Variants in WDR62 observed in about 807,000 individuals in gnomAD.
WDR62 encodes WD repeat domain 62.
WDR62 carries 112 observed loss-of-function variants against 160.6 expected under a neutral mutation model. That is an observed-to-expected ratio of 0.70 (90% confidence interval 0.60 to 0.82). The LOEUF is 0.82. Among genes scored for constraint, WDR62 ranks in the 40% least tolerant of loss-of-function variants. WDR62 has a pLI of 0.00. For missense variants in WDR62, 1,819 were observed against 1,983.8 expected, an observed-to-expected ratio of 0.92 and a Z score of 1.58; for synonymous variants, 792 against 815.1, an observed-to-expected ratio of 0.97 and a Z score of 0.48.
At position 36,086,756 on chromosome 19, in the gene WDR62, A is replaced by C. The variant is rs1599805880; in HGVS notation, c.1712A>C (p.Asn571Thr). 1 of 1,608,254 alleles carries C rather than the reference A, an allele frequency of 6.2e-7. No individual in the cohort carries two copies. The highest frequency in any genetic ancestry group is 8.5e-7 in the Non-Finnish European group (1 of 1,177,016). The change falls in exon 13 of 32, where the codon AAC (asparagine) becomes ACC (threonine). Residue 571 changes from asparagine to threonine, a missense_variant. Asn to Thr is a moderately conservative substitution (Grantham distance 65, BLOSUM62 0). Transcript: ENST00000401500. ...GTGCTGAACGTGGAGAAGAACTACA[A>C]CCTGGAGCAGACGCTGGATGACCAC... ...IHVLNVEKNYNLEQTLDDHSS... is the reference protein window; with the variant it reads ...IHVLNVEKNYTLEQTLDDHSS...
At chr19:36,064,961 T>C (rs889649599) in intron 3 of WDR62, among the ~76,000 whole-genome samples, 6 of 152,242 alleles carry the variant, frequency 3.9e-5, no homozygotes, top group Admixed American at 2.6e-4. Flanking sequence ...GATGGAGTTC[T>C]GGCTGTCGTG....
In WDR62 at chr19:36,071,720, C is replaced by T. The variant is rs1339901366; in HGVS notation, c.1043+4C>T. 6.2e-7 allele frequency: 1 copy of T among 1,612,056 alleles called. No homozygotes were observed. The highest frequency in any genetic ancestry group is 8.5e-7 in the Non-Finnish European group (1 of 1,178,584). On this transcript the variant is annotated splice_donor_region_variant and intron_variant, in intron 8 of 31. Coordinates refer to ENST00000401500, the MANE Select transcript of WDR62 (RefSeq NM_001083961.2). Reference sequence around the variant, plus strand: ...TGGCACAGGGCCTGGAGCCCAGGTACTGCCCTGTGGGGAGAGGGAATGGGA... The same window carrying T: ...TGGCACAGGGCCTGGAGCCCAGGTATTGCCCTGTGGGGAGAGGGAATGGGA...
rs753292471 is a variant in WDR62, at chr19:36,055,121, G to T, written c.150G>T (p.Thr50=). The change falls in exon 1 of 32, where the codon ACG becomes ACT. Residue 50 remains threonine, a synonymous_variant. Coordinates refer to ENST00000401500, the MANE Select transcript of WDR62 (RefSeq NM_001083961.2). ...TACGGCGGCGGACGCGACTCTCGAC[G>T]GCCTCCGAGGAGACGGTGCAGAACC... ...ICLRRRTRLS[T]ASEETVQNRV... is the part of the protein sequence containing the mutation. 5 of 1,607,552 alleles carry T rather than the reference G, an allele frequency of 3.1e-6. No homozygotes were observed. The South Asian group carries it at 5.5e-5, about 18-fold the overall frequency.
chr19:36,067,598 G>A (rs1971010721), intron 6 of WDR62, among the ~76,000 whole-genome samples, 155 bp downstream of exon 6: 1 of 152,186 alleles, frequency 6.6e-6, no homozygotes, highest in African/African-American at 2.4e-5. Context: ...TACTCTCAGG[G>A]TGCTGATGCA....
At position 36,104,780 on chromosome 19, in the gene WDR62, GGC is replaced by G; in HGVS notation, c.4325_4326del (p.Gly1442AlafsTer12). 6.2e-7 allele frequency: 1 copy of G among 1,613,720 alleles called. No homozygotes were observed. The highest frequency in any genetic ancestry group is 8.5e-7 in the Non-Finnish European group (1 of 1,180,026). On this transcript the variant is annotated frameshift_variant, in exon 32 of 32. Coordinates refer to ENST00000401500, the MANE Select transcript of WDR62 (RefSeq NM_001083961.2). LOFTEE classifies it low-confidence loss of function (END_TRUNC). ...LDLYRVLVSS[G>X]QVDTGQQQAR... ...GCATCCCTTGCAGTTGGTCTCCAGTGGCCAGGTGGACACCGGGCAGCAGCAGG... is the reference window on the plus strand; with the variant it reads ...GCATCCCTTGCAGTTGGTCTCCAGTGCAGGTGGACACCGGGCAGCAGCAGG...
chr19:36,059,973 TGG>T lies in WDR62; in HGVS notation c.276_277del (p.Val93GlyfsTer15). 1 of 1,614,104 alleles carries T rather than the reference TGG, an allele frequency of 6.2e-7. No individual in the cohort carries two copies. The highest frequency in any genetic ancestry group is 8.5e-7 in the Non-Finnish European group (1 of 1,180,022). On this transcript the variant is annotated frameshift_variant, in exon 3 of 32. Coordinates refer to ENST00000401500, the MANE Select transcript of WDR62 (RefSeq NM_001083961.2). LOFTEE classifies it high-confidence loss of function. Reference sequence around the variant, plus strand: ...ATTTTCCTCTTTCTTCCCAGCTGTGTGGTGGTGATTTTGGACCCCAAGGAGAA... The same window carrying T: ...ATTTTCCTCTTTCTTCCCAGCTGTGTTGGTGATTTTGGACCCCAAGGAGAA...
chr19:36,085,631 C>T (rs1220204675), intron 12 of WDR62, among the ~76,000 whole-genome samples: 4 of 151,250 alleles, frequency 2.6e-5, no homozygotes, highest in Non-Finnish European at 5.9e-5. Context: ...TTAGTACAGA[C>T]GGGGTTTCAC....
At chr19:36,073,243 G>A (rs1971393198) in intron 8 of WDR62, 99 bp from the exon 9 acceptor site, 4 of 1,102,134 alleles carry the variant, frequency 3.6e-6, no homozygotes, top group Non-Finnish European at 5.6e-6. Context: ...AATACCATGA[G>A]GGATGGCATT....
At chr19:36,094,274 CAG>C (rs1390805813) in intron 20 of WDR62, 110 bp downstream of exon 20, 47 of 1,426,394 alleles carry the variant, frequency 3.3e-5, no homozygotes, top group African/African-American at 9.8e-5. Context: ...CAGGAGTCGA[CAG>C]GGTGCGGTGG....
intron 13 of WDR62, among the ~76,000 whole-genome samples, chr19:36,088,619 C>T (rs769771331): frequency 2.0e-5 from 3 of 152,232 alleles, no homozygotes; most frequent in African/African-American, 4.8e-5. Context: ...CAGGAAGACC[C>T]GCTACATGCA....
intron 9 of WDR62, chr19:36,073,982 A>T (rs1358818336): frequency 6.0e-6 from 2 of 335,314 alleles, no homozygotes; most frequent in Non-Finnish European, 1.2e-5. Context: ...GAGGTCGTTT[A>T]TGTATTTCAC....
In WDR62 at chr19:36,083,249, G is replaced by T; in HGVS notation, c.1550+8G>T. On this transcript the variant is annotated splice_region_variant and intron_variant, in intron 11 of 31. Coordinates refer to ENST00000401500, the MANE Select transcript of WDR62 (RefSeq NM_001083961.2). Reference sequence around the variant, plus strand: ...CCGAAGTGGAAATCTGAGGCAAGTGGGCCCTGGCAGTGTCCAGTGTACACC... The same window carrying T: ...CCGAAGTGGAAATCTGAGGCAAGTGTGCCCTGGCAGTGTCCAGTGTACACC... 1 of 1,588,102 alleles carries T rather than the reference G, an allele frequency of 6.3e-7. No homozygotes were observed.
chr19:36,077,230 T>A (rs576946733), intron 9 of WDR62, among the ~76,000 whole-genome samples: 10 of 151,764 alleles, frequency 6.6e-5, no homozygotes, highest in Non-Finnish European at 1.0e-4. Flanking sequence ...ATTTGCCTGT[T>A]CTGAATCTTT....
intron 12 of WDR62, among the ~76,000 whole-genome samples, chr19:36,085,250 G>A (rs948397357): frequency 1.3e-4 from 19 of 151,794 alleles, no homozygotes; most frequent in African/African-American, 4.6e-4. Context: ...CATGTAGCTG[G>A]GATTACAGGT....
At chr19:36,063,170 C>T (rs1419741282) in intron 3 of WDR62, among the ~76,000 whole-genome samples, 1 of 152,198 alleles carries the variant, frequency 6.6e-6, no homozygotes, top group Non-Finnish European at 1.5e-5. Flanking sequence ...GTCTCGATCT[C>T]CTGACCTTGT....
chr19:36,083,266 G>A (rs910998421), intron 11 of WDR62, 25 bp downstream of exon 11: 3 of 1,575,418 alleles, frequency 1.9e-6, no homozygotes, highest in Non-Finnish European at 1.7e-6. Context: ...GCAGTGTCCA[G>A]TGTACACCTC....
In WDR62 at chr19:36,055,071, C is replaced by T. The variant is rs533360482; in HGVS notation, c.100C>T (p.Pro34Ser). ...GVPARRGQSS[P>S]PPAPPICLRR... ...TCCGGCGCGGAGGGGCCAGTCCTCCCCGCCCCCCGCCCCACCAATCTGCCT... is the reference window on the plus strand; with the variant it reads ...TCCGGCGCGGAGGGGCCAGTCCTCCTCGCCCCCCGCCCCACCAATCTGCCT... The change falls in exon 1 of 32, where the codon CCG becomes TCG. Residue 34 changes from proline to serine, a missense_variant. Physicochemically the swap from Pro to Ser is moderately conservative, Grantham distance 74. Around this residue, in one of 3 missense-constraint regions of WDR62, gnomAD observed 115 missense variants for 92.4 expected, o/e 1.24. Coordinates refer to ENST00000401500, the MANE Select transcript of WDR62 (RefSeq NM_001083961.2). 1.1e-5 allele frequency: 17 copies of T among 1,595,042 alleles called. No homozygotes were observed. The highest frequency in any genetic ancestry group is 1.4e-5 in the Non-Finnish European group (16 of 1,172,180).
chr19:36,103,270 C>T, intron 29 of WDR62, 63 bp downstream of exon 29: 1 of 1,611,944 alleles, frequency 6.2e-7, no homozygotes, highest in Non-Finnish European at 8.5e-7. Flanking sequence ...GATGTCCAGC[C>T]TAGCTGTGGG....
Position 36,097,012 on chromosome 19 carries a change from T to C in WDR62, c.2468-15T>C. On this transcript the variant is annotated splice_polypyrimidine_tract_variant and intron_variant, in intron 20 of 31. Coordinates refer to ENST00000401500, the MANE Select transcript of WDR62 (RefSeq NM_001083961.2). ...GGTTGTTTGTCCTCTTTTCATGGAT[T>C]CTGTGTCTTTCCAGATCCTCGTTGC... 6.2e-7 allele frequency: 1 copy of C among 1,609,140 alleles called. No individual in the cohort carries two copies. Among genetic ancestry groups the C allele is most frequent in the Non-Finnish European group, 8.5e-7 (1 of 1,177,746 alleles).
Sources: allele counts gnomAD v4.1 joint callset (sites outside exome capture counted in the v4.1 genomes callset), GRCh38; gene constraint gnomAD v4.1.1; regional missense constraint gnomAD v4.1.1; transcripts MANE v1.5; gene names NCBI Gene and HGNC (gene_info 2026-07-23, HGNC 2026-07-21).